MTMR2: variants seen among roughly 807,000 people sequenced by gnomAD.
MTMR2 encodes myotubularin related protein 2.
A neutral mutation model predicts 86.9 loss-of-function variants in MTMR2; 55 were observed. The ratio of observed to expected loss-of-function variants is 0.63; its 90% CI spans 0.51 to 0.79. The LOEUF is 0.79. Among genes scored for constraint, MTMR2 ranks in the 30% least tolerant of loss-of-function variants. The probability of loss-of-function intolerance (pLI) is 0.00; values close to 1 mark genes in which losing one functional copy is unlikely to be tolerated. For missense variants in MTMR2, 659 were observed against 772.3 expected (o/e 0.85, Z 1.74); for synonymous variants, 241 against 266.8 (o/e 0.90, Z 0.94).
chr11:95,845,449 T>G (rs1490677589), intron 10 of MTMR2, among the ~76,000 whole-genome samples: 1 of 152,158 alleles, frequency 6.6e-6, no homozygotes, highest in Non-Finnish European at 1.5e-5. Context: ...CTTAGAAAAG[T>G]TCTAAAGAGA....
At chr11:95,838,019 T>C (rs1863360598) in intron 13 of MTMR2, 75 bp downstream of exon 13, 1 of 934,362 alleles carries the variant, frequency 1.1e-6, no homozygotes. Flanking sequence ...AGTTGAAATC[T>C]GTCACAGAGT....
In MTMR2 at chr11:95,843,508, G is replaced by A. The variant is rs185124368; in HGVS notation, c.1386+1445C>T. Reference sequence around the variant, plus strand: ...AAACTACCATTTATCAAGTTCTGGCGTAGTATCAAAGAAGAATATCTACAA... The same window carrying A: ...AAACTACCATTTATCAAGTTCTGGCATAGTATCAAAGAAGAATATCTACAA... On this transcript the variant is annotated intron_variant, in intron 11 of 14. Transcript: ENST00000346299. 1.5e-3 allele frequency among the ~76,000 whole-genome samples: 226 copies of A among 152,182 alleles called. 1 individual carries two copies. The South Asian group carries it at 0.018, about 12-fold the overall frequency.
intron 7 of MTMR2, among the ~76,000 whole-genome samples, chr11:95,855,167 A>G (rs1864165840): frequency 6.6e-6 from 1 of 152,066 alleles, no homozygotes; most frequent in Non-Finnish European, 1.5e-5. Flanking sequence ...TAATCACTAC[A>G]TACTGTATAT....
At chr11:95,855,756 T>C (rs1864188093) in intron 7 of MTMR2, among the ~76,000 whole-genome samples, 1 of 152,194 alleles carries the variant, frequency 6.6e-6, no homozygotes, top group East Asian at 1.9e-4. Flanking sequence ...CCTTTCTATA[T>C]GTCACTAATC....
At chr11:95,918,838 T>A (rs1299950238) in intron 1 of MTMR2, among the ~76,000 whole-genome samples, 3 of 152,080 alleles carry the variant, frequency 2.0e-5, no homozygotes, top group Non-Finnish European at 4.4e-5. Context: ...CCTACCAACA[T>A]ATCACTTTTT....
At chr11:95,888,720 T>TAC (rs139869459) in intron 1 of MTMR2, among the ~76,000 whole-genome samples, 27,886 of 136,666 alleles carry the variant, frequency 0.2, 3,177 homozygotes, top group African/African-American at 0.43. Flanking sequence ...CACACACACA[T>TAC]ACACACACAC....
chr11:95,857,991 C>T (rs1261700728), intron 6 of MTMR2, among the ~76,000 whole-genome samples: 2 of 152,092 alleles, frequency 1.3e-5, no homozygotes, highest in African/African-American at 4.8e-5. Context: ...AGTCATAAGA[C>T]CAACGTTGAT....
At chr11:95,890,483 T>C (rs931469105) in intron 1 of MTMR2, among the ~76,000 whole-genome samples, 2 of 152,212 alleles carry the variant, frequency 1.3e-5, no homozygotes, top group African/African-American at 4.8e-5. Flanking sequence ...TTCCAGTCAG[T>C]GGGATTTAGT....
intron 1 of MTMR2, 175 bp downstream of exon 1, chr11:95,923,699 TC>T: frequency 7.0e-7 from 1 of 1,434,668 alleles, no homozygotes; most frequent in Non-Finnish European, 9.1e-7. Context: ...AACCTCCTTT[TC>T]CTCAGCCTCC....
intron 2 of MTMR2, among the ~76,000 whole-genome samples, chr11:95,875,652 C>T (rs546063274): frequency 1.3e-5 from 2 of 152,304 alleles, no homozygotes; most frequent in South Asian, 4.1e-4. Context: ...AGCTGCGTTC[C>T]TCTGGAGGAG....
intron 1 of MTMR2, among the ~76,000 whole-genome samples, chr11:95,920,097 T>C (rs985249680): frequency 5.9e-5 from 9 of 152,234 alleles, no homozygotes; most frequent in African/African-American, 2.2e-4. Context: ...GTCATACTTA[T>C]ATCAAGAATC....
chr11:95,848,392 T>G (rs962495977), intron 9 of MTMR2, among the ~76,000 whole-genome samples: 3 of 152,136 alleles, frequency 2.0e-5, no homozygotes, highest in Admixed American at 6.6e-5. Flanking sequence ...ATGACCTGCT[T>G]CTTTTTTAAC....
At chr11:95,869,114 CTCTGAG>C (rs1864752383) in intron 2 of MTMR2, among the ~76,000 whole-genome samples, 1 of 151,870 alleles carries the variant, frequency 6.6e-6, no homozygotes, top group Non-Finnish European at 1.5e-5. Context: ...CCATACTACG[CTCTGAG>C]TCTTAGTTTC....
At chr11:95,838,724 A>G (rs1393594067) in intron 12 of MTMR2, among the ~76,000 whole-genome samples, 3 of 152,066 alleles carry the variant, frequency 2.0e-5, no homozygotes, top group Non-Finnish European at 2.9e-5. Flanking sequence ...GCACCGACGT[A>G]AACTTTTCAG....
At chr11:95,873,207 G>A (rs1864963074) in intron 2 of MTMR2, among the ~76,000 whole-genome samples, 1 of 152,114 alleles carries the variant, frequency 6.6e-6, no homozygotes, top group Admixed American at 6.5e-5. Context: ...GTTCCTCCTT[G>A]TACTTCTGGG....
intron 2 of MTMR2, among the ~76,000 whole-genome samples, chr11:95,876,649 C>T (rs550090349): frequency 9.8e-5 from 15 of 152,296 alleles, no homozygotes; most frequent in African/African-American, 3.4e-4. Context: ...CTTCAAAACA[C>T]ACAAGATTCA....
At chr11:95,896,661 T>C (rs1865890168) in intron 1 of MTMR2, among the ~76,000 whole-genome samples, 1 of 151,978 alleles carries the variant, frequency 6.6e-6, no homozygotes, top group South Asian at 2.1e-4. Context: ...TTATTCTAAT[T>C]AAATGCATCA....
chr11:95,862,002 G>C lies in MTMR2; in HGVS notation c.458C>G (p.Thr153Ser), dbSNP rs1864437012. 5 of 1,609,350 alleles carry C rather than the reference G, an allele frequency of 3.1e-6. No individual in the cohort carries two copies. Among genetic ancestry groups the C allele is most frequent in the Non-Finnish European group, 4.3e-6 (5 of 1,176,032 alleles). ...SRGENSYGLETVCKDIRNLRF... is the reference protein window; with the variant it reads ...SRGENSYGLESVCKDIRNLRF... ...TATTATAACATTTACCTTACACACAGTTTCTAGTCCATAAGAATTTTCACC... is the reference window on the plus strand; with the variant it reads ...TATTATAACATTTACCTTACACACACTTTCTAGTCCATAAGAATTTTCACC... Residue 153 changes from threonine to serine, a missense_variant, in exon 5 of 15, where the codon ACT (threonine) becomes AGT (serine). Thr to Ser is a moderately conservative substitution (Grantham distance 58). This residue lies in a region of MTMR2 where 387 missense variants were observed against 526.3 expected (regional missense o/e 0.74). Coordinates refer to ENST00000346299, the MANE Select transcript of MTMR2 (RefSeq NM_016156.6).
chr11:95,845,170 G>A lies in MTMR2; in HGVS notation c.1180-11C>T, dbSNP rs1200941827. On this transcript the variant is annotated splice_polypyrimidine_tract_variant and intron_variant, in intron 10 of 14. Coordinates refer to ENST00000346299, the MANE Select transcript of MTMR2 (RefSeq NM_016156.6). ...CCCTGCAAGAATAAGCTGGAAAACA[G>A]ATTTTTTAATACATTGTTTTTAAAC... 5.0e-6 allele frequency: 8 copies of A among 1,588,346 alleles called. No homozygotes were observed. Among genetic ancestry groups the A allele is most frequent in the Admixed American group, 5.0e-5 (3 of 59,664 alleles).
Sources: allele counts gnomAD v4.1 joint callset (sites outside exome capture counted in the v4.1 genomes callset), GRCh38; gene constraint gnomAD v4.1.1; regional missense constraint gnomAD v4.1.1; transcripts MANE v1.5; gene names NCBI Gene and HGNC (gene_info 2026-07-23, HGNC 2026-07-21).